The following CDCA2 variants were observed in gnomAD, a reference collection of about 807,000 sequenced individuals.
CDCA2 encodes the protein cell division cycle associated 2.
A neutral mutation model predicts 67.0 loss-of-function variants in CDCA2; 44 were observed. The ratio of observed to expected loss-of-function variants is 0.66; its 90% CI spans 0.52 to 0.84. The LOEUF is 0.84. Among genes scored for constraint, CDCA2 ranks in the 40% least tolerant of loss-of-function variants. The pLI is 0.00. For synonymous variants in CDCA2, 447 were observed against 418.7 expected (o/e 1.07, Z -0.82); for missense variants, 1,253 against 1,203.2 (o/e 1.04, Z -0.61).
rs1803506902 is a variant in CDCA2, at chr8:25,480,039, G to A, written c.947G>A (p.Arg316Lys). 6.2e-7 allele frequency: 1 copy of A among 1,614,162 alleles called. No individual in the cohort carries two copies. The highest frequency in any genetic ancestry group is 8.5e-7 in the Non-Finnish European group (1 of 1,180,042). Residue 316 changes from arginine to lysine, a missense_variant, in exon 8 of 15, where the codon AGG (arginine) becomes AAG (lysine). Arg to Lys is a conservative substitution (Grantham distance 26, BLOSUM62 2). Transcript: ENST00000330560. ...DVRSPATPACRRDLPTPKTFV... is the reference protein window; with the variant it reads ...DVRSPATPACKRDLPTPKTFV... ...AGGTCACCAGCTACTCCAGCCTGCA[G>A]GAGGGACCTTCCCACCCCCAAGACC...
At chr8:25,475,326 C>A (rs992737390) in intron 7 of CDCA2, among the ~76,000 whole-genome samples, 2 of 152,142 alleles carry the variant, frequency 1.3e-5, no homozygotes, top group Non-Finnish European at 2.9e-5. Flanking sequence ...CTAGACCAGC[C>A]TGACCAATAT....
Position 25,506,550 on chromosome 8 carries a change from T to TC in CDCA2, c.1886dup (p.Lys630Ter). 1 of 1,591,974 alleles carries TC rather than the reference T, an allele frequency of 6.3e-7. No homozygotes were observed. The highest frequency in any genetic ancestry group is 8.5e-7 in the Non-Finnish European group (1 of 1,174,030). On this transcript the variant is annotated frameshift_variant, in exon 15 of 15. Coordinates refer to ENST00000330560, the MANE Select transcript of CDCA2 (RefSeq NM_152562.4). LOFTEE classifies it low-confidence loss of function (END_TRUNC). ...ATGGCAAACTGGAAGAAGTGAAGACTCCTAAAAATCCAGTGAAAAGAAAGG... is the reference window on the plus strand; with the variant it reads ...ATGGCAAACTGGAAGAAGTGAAGACTCCCTAAAAATCCAGTGAAAAGAAAGG...
intron 7 of CDCA2, among the ~76,000 whole-genome samples, chr8:25,476,652 A>G (rs1175364952): frequency 6.6e-6 from 1 of 151,342 alleles, no homozygotes; most frequent in Non-Finnish European, 1.5e-5. Context: ...TCCTGGGTTC[A>G]GGTGATTCTC....
intron 9 of CDCA2, 114 bp from the exon 10 acceptor site, chr8:25,483,852 C>A: frequency 1.1e-6 from 1 of 925,478 alleles, no homozygotes; most frequent in Non-Finnish European, 1.6e-6. Flanking sequence ...GCTTTACTAG[C>A]TATTATACAA....
chr8:25,460,250 A>G lies in CDCA2; in HGVS notation c.11A>G (p.Asn4Ser), dbSNP rs1019158447. MDA[N>S]SKDKPPETKE... ...TTCTTCACCTCTTAGATGGATGCCA[A>G]TTCAAAAGACAAGCCCCCTGAAACC... Residue 4 changes from asparagine to serine, a missense_variant, in exon 2 of 15, where the codon AAT becomes AGT. Asn to Ser is a conservative substitution (Grantham distance 46). Transcript: ENST00000330560. 3 of 1,614,186 alleles carry G rather than the reference A, an allele frequency of 1.9e-6. No homozygotes were observed. Among genetic ancestry groups the G allele is most frequent in the East Asian group, 2.2e-5 (1 of 44,882 alleles).
intron 6 of CDCA2, among the ~76,000 whole-genome samples, chr8:25,468,760 T>A (rs894410095): frequency 6.6e-6 from 1 of 152,106 alleles, no homozygotes; most frequent in South Asian, 2.1e-4. Flanking sequence ...TAGGCAGTAT[T>A]TTTTCTACTG....
intron 13 of CDCA2, among the ~76,000 whole-genome samples, chr8:25,498,216 T>C (rs1804312517): frequency 6.6e-6 from 1 of 152,106 alleles, no homozygotes; most frequent in Admixed American, 6.5e-5. Context: ...TTGTTTTGTT[T>C]TGTTTTGTTG....
rs150912540 is a variant in CDCA2 at position 25,488,639 on chromosome 8, A to G, written c.1621A>G (p.Lys541Glu). 82 of 1,612,820 alleles carry G rather than the reference A, an allele frequency of 5.1e-5. No homozygotes were observed. The highest frequency in any genetic ancestry group is 6.5e-5 in the Non-Finnish European group (77 of 1,179,642). ...TAAAGAAAAGAAAATTAATAGGAGG[A>G]AGTCTCAAGAAACAAAGTGTACAAA... is the stretch of plus-strand genomic sequence containing the variant. ...PCKEKKINRR[K>E]SQETKCTKRA... The change falls in exon 13 of 15, where the codon AAG (lysine) becomes GAG (glutamate). Residue 541 changes from lysine (K) to glutamate (E), a missense_variant. Transcript: ENST00000330560.
chr8:25,479,791 G>T lies in CDCA2; in HGVS notation c.821-122G>T, dbSNP rs908528858. ...ATCCCAGACGTTACTGCCCAATCAG[G>T]TTATATTAGGTTTGAATTTCTTCAT... On this transcript the variant is annotated intron_variant, in intron 7 of 14. Transcript: ENST00000330560. 1.2e-5 allele frequency: 10 copies of T among 855,042 alleles called. No individual in the cohort carries two copies. In the African/African-American group the frequency reaches 1.7e-4, roughly 14 times the overall value. The allele number at this position is 855,042 out of a possible 1,614,324, so 53.0% of individuals were successfully genotyped here. A position where few individuals can be genotyped will look rare whatever the true frequency, so the allele number is the denominator to read the frequency against.
At chr8:25,460,173 G>T in intron 1 of CDCA2, 67 bp from the exon 2 acceptor site, 1 of 1,472,824 alleles carries the variant, frequency 6.8e-7, no homozygotes, top group East Asian at 2.3e-5. Context: ...CCTGAATAAG[G>T]TACGTGATCG....
At chr8:25,470,001 A>G (rs1466102892) in intron 7 of CDCA2, 21 bp downstream of exon 7, 6 of 1,493,634 alleles carry the variant, frequency 4.0e-6, no homozygotes, top group Non-Finnish European at 5.6e-6. Context: ...TTTTCTTAGT[A>G]CATGGCCAGT....
chr8:25,468,040 C>T (rs1445893995), intron 5 of CDCA2, among the ~76,000 whole-genome samples, 177 bp from the exon 6 acceptor site: 1 of 149,118 alleles, frequency 6.7e-6, no homozygotes, highest in Non-Finnish European at 1.5e-5. Context: ...ATCACTTGAG[C>T]CCAGAAGGTG....
intron 14 of CDCA2, among the ~76,000 whole-genome samples, chr8:25,506,291 A>T (rs1205672947): frequency 6.6e-6 from 1 of 152,182 alleles, no homozygotes; most frequent in East Asian, 1.9e-4. Context: ...TGCTTTATTA[A>T]TTCATGCGTT....
intron 10 of CDCA2, 71 bp downstream of exon 10, chr8:25,484,281 A>G: frequency 6.5e-7 from 1 of 1,546,384 alleles, no homozygotes; most frequent in Non-Finnish European, 8.8e-7. Flanking sequence ...TTGCATGAGC[A>G]ATAACTATGC....
At chr8:25,468,691 C>T (rs534837265) in intron 6 of CDCA2, among the ~76,000 whole-genome samples, 3 of 152,104 alleles carry the variant, frequency 2.0e-5, no homozygotes, top group Non-Finnish European at 2.9e-5. Flanking sequence ...GGGTCTTCTA[C>T]GTATGAGGTA....
At chr8:25,482,366 T>C (rs1803604677) in intron 8 of CDCA2, among the ~76,000 whole-genome samples, 1 of 152,210 alleles carries the variant, frequency 6.6e-6, no homozygotes, top group Non-Finnish European at 1.5e-5. Context: ...ATGCAGTTCT[T>C]CTATCTGGGA....
chr8:25,502,190 T>A (rs1343522409), intron 13 of CDCA2, among the ~76,000 whole-genome samples: 1 of 152,120 alleles, frequency 6.6e-6, no homozygotes, highest in Admixed American at 6.6e-5. Flanking sequence ...CCACCACGCC[T>A]GGCCTGTGTT....
chr8:25,489,429 T>C (rs1803914603), intron 13 of CDCA2, among the ~76,000 whole-genome samples: 1 of 152,180 alleles, frequency 6.6e-6, no homozygotes, highest in South Asian at 2.1e-4. Context: ...AGTGAACTGT[T>C]TCCAACTCTT....
At chr8:25,482,069 A>G (rs747696170) in intron 8 of CDCA2, among the ~76,000 whole-genome samples, 1 of 152,224 alleles carries the variant, frequency 6.6e-6, no homozygotes, top group African/African-American at 2.4e-5. Context: ...ACTTTGATCC[A>G]GTCTGCAGCC....
Sources: allele counts gnomAD v4.1 joint callset (sites outside exome capture counted in the v4.1 genomes callset), GRCh38; gene constraint gnomAD v4.1.1; transcripts MANE v1.5; gene names NCBI Gene and HGNC (gene_info 2026-07-23, HGNC 2026-07-21).